Variants in FLRT1 observed in about 807,000 individuals in gnomAD.
The protein encoded by FLRT1 is leucine-rich repeat transmembrane protein FLRT1.
In FLRT1, 14 loss-of-function variants were observed where a neutral mutation model predicts 30.9. The observed-to-expected ratio is 0.45, with a 90% confidence interval of 0.30 to 0.71. The LOEUF (loss-of-function observed/expected upper bound fraction) is 0.71. Among genes scored for constraint, FLRT1 ranks in the 30% least tolerant of loss-of-function variants. FLRT1 has a pLI of 0.08. For synonymous variants in FLRT1, 368 were observed against 430.4 expected, an observed-to-expected ratio of 0.85 and a Z score of 1.80; for missense variants, 737 against 949.2, an observed-to-expected ratio of 0.78 and a Z score of 2.94.
At chr11:64,055,403 G>A (rs1943766522) in intron 1 of FLRT1, among the ~76,000 whole-genome samples, 1 of 152,246 alleles carries the variant, frequency 6.6e-6, no homozygotes, top group South Asian at 2.1e-4. Flanking sequence ...AACGATGGGG[G>A]ATGGGTGCTT....
rs577521309 is a variant in FLRT1, at chr11:64,039,215, T to C, written c.-1038+3056T>C. Among the ~76,000 whole-genome samples, 261 of 151,744 alleles carry C rather than the reference T, an allele frequency of 1.7e-3. 3 individuals carry two copies. The highest frequency in any genetic ancestry group is 1.8e-4 in the Non-Finnish European group (12 of 67,878). Reference sequence around the variant, plus strand: ...GGATGGGGTGCGTGAGGCATGTGGGTGAGCGAGCGTGGGTGGACAAGAAGG... The same window carrying C: ...GGATGGGGTGCGTGAGGCATGTGGGCGAGCGAGCGTGGGTGGACAAGAAGG... On this transcript the variant is annotated intron_variant, in intron 1 of 2. Coordinates refer to ENST00000682287, the MANE Select transcript of FLRT1 (RefSeq NM_013280.5).
Position 64,117,822 on chromosome 11 carries a change from G to A in FLRT1, c.1555G>A (p.Asp519Asn), listed in dbSNP as rs776865641. ...GGAGACCAGCAATGCCTACGTAGCT[G>A]ATGAGACACCCGTGTGTGCCAAGGC... The part of the protein sequence containing the change: ...TMETSNAYVA[D>N]ETPVCAKAET... Residue 519 changes from aspartate (D) to asparagine (N), a missense_variant, in exon 3 of 3, where the codon GAT becomes AAT. Transcript: ENST00000682287. 1.2e-6 allele frequency: 2 copies of A among 1,614,190 alleles called. No individual in the cohort carries two copies. The highest frequency in any genetic ancestry group is 2.2e-5 in the East Asian group (1 of 44,882).
rs537704990 is a variant in FLRT1 at position 64,037,662 on chromosome 11, C to T, written c.-1038+1503C>T. 5.3e-5 allele frequency among the ~76,000 whole-genome samples: 8 copies of T among 152,102 alleles called. No homozygotes were observed. The East Asian group carries it at 7.7e-4, about 15-fold the overall frequency. On this transcript the variant is annotated intron_variant, in intron 1 of 2. Transcript: ENST00000682287. ...TGGGCACAGGGTGTGTGTGTGTGTG[C>T]GCACCCAGTCCCATGTTCTTTCCCA...
chr11:64,065,756 C>G (rs1202204422), intron 1 of FLRT1, among the ~76,000 whole-genome samples: 3 of 146,738 alleles, frequency 2.0e-5, no homozygotes, highest in East Asian at 2.0e-4. Context: ...CGCCACTGCA[C>G]TCCAGCCTGG....
At chr11:64,042,180 ACACT>A (rs1273236736) in intron 1 of FLRT1, among the ~76,000 whole-genome samples, 1 of 152,134 alleles carries the variant, frequency 6.6e-6, no homozygotes, top group East Asian at 1.9e-4. Flanking sequence ...CTTCATGCAC[ACACT>A]CTTGCACACA....
chr11:64,115,398 T>C (rs1361832792), intron 2 of FLRT1, among the ~76,000 whole-genome samples: 1 of 151,678 alleles, frequency 6.6e-6, no homozygotes, highest in African/African-American at 2.4e-5. Context: ...TTTTTTTGAA[T>C]AGCTGAAAGT....
intron 1 of FLRT1, among the ~76,000 whole-genome samples, chr11:64,058,462 T>C (rs1943833968): frequency 6.6e-6 from 1 of 152,200 alleles, no homozygotes; most frequent in Non-Finnish European, 1.5e-5. Context: ...AGCTGCCACC[T>C]GGGTGGGCGA....
chr11:64,087,844 G>A (rs999899654), intron 1 of FLRT1, among the ~76,000 whole-genome samples: 2 of 152,234 alleles, frequency 1.3e-5, no homozygotes, highest in Non-Finnish European at 2.9e-5. Flanking sequence ...CACTCTCCTG[G>A]GGGCTGTTTC....
At chr11:64,114,508 AATGG>A (rs1262899663) in intron 2 of FLRT1, among the ~76,000 whole-genome samples, 4 of 104,902 alleles carry the variant, frequency 3.8e-5, no homozygotes, top group Admixed American at 3.7e-4. Context: ...TGGATGGATG[AATGG>A]ATGGATGGAT....
chr11:64,062,612 G>A (rs1442380265), intron 1 of FLRT1, among the ~76,000 whole-genome samples: 1 of 148,830 alleles, frequency 6.7e-6, no homozygotes, highest in Non-Finnish European at 1.5e-5. Flanking sequence ...CTGGGCGCTG[G>A]GGATGGAGCA....
At chr11:64,037,364 C>A (rs1943402266) in intron 1 of FLRT1, among the ~76,000 whole-genome samples, 1 of 151,912 alleles carries the variant, frequency 6.6e-6, no homozygotes, top group Non-Finnish European at 1.5e-5. Flanking sequence ...CGCTCAGGGG[C>A]TCCAGATTCC....
intron 1 of FLRT1, among the ~76,000 whole-genome samples, chr11:64,099,989 C>CCGT (rs1399776473): frequency 6.6e-6 from 1 of 152,126 alleles, no homozygotes; most frequent in African/African-American, 2.4e-5. Flanking sequence ...GGTGGATGGT[C>CCGT]CGTTTCTCTT....
intron 1 of FLRT1, among the ~76,000 whole-genome samples, chr11:64,079,405 A>AT (rs1308185062): frequency 2.8e-5 from 4 of 144,632 alleles, no homozygotes; most frequent in African/African-American, 1.0e-4. Context: ...GTCGTTGGGG[A>AT]TGGGGGGGTG....
At chr11:64,087,784 G>A (rs2078955535) in intron 1 of FLRT1, among the ~76,000 whole-genome samples, 1 of 152,234 alleles carries the variant, frequency 6.6e-6, no homozygotes, top group Non-Finnish European at 1.5e-5. Flanking sequence ...ATGACCGGAG[G>A]CTGGACGCCT....
At chr11:64,058,331 G>A (rs1182536937) in intron 1 of FLRT1, among the ~76,000 whole-genome samples, 2 of 152,256 alleles carry the variant, frequency 1.3e-5, no homozygotes, top group South Asian at 2.1e-4. Context: ...GCCCCCATCC[G>A]AAGGCTGACG....
intron 1 of FLRT1, among the ~76,000 whole-genome samples, chr11:64,088,534 C>T (rs2134514333): frequency 6.6e-6 from 1 of 152,340 alleles, no homozygotes; most frequent in African/African-American, 2.4e-5. Context: ...ACTCTCCTCT[C>T]ACCTGCAGGT....
chr11:64,043,644 T>C (rs1307451520), intron 1 of FLRT1, among the ~76,000 whole-genome samples: 2 of 152,058 alleles, frequency 1.3e-5, no homozygotes, highest in Non-Finnish European at 2.9e-5. Flanking sequence ...AGAGAGGTCA[T>C]TATTGAGTGT....
Position 64,118,116 on chromosome 11 carries a change from C to T in FLRT1, c.1849C>T (p.Pro617Ser), listed in dbSNP as rs747554838. The T allele has an allele frequency of 1.2e-6, 2 of 1,612,712 alleles. No individual in the cohort carries two copies. The highest frequency in any genetic ancestry group is 2.7e-5 in the African/African-American group (2 of 74,920). ...KDNSILEIRGPGLQMLPINPY... is the reference protein window; with the variant it reads ...KDNSILEIRGSGLQMLPINPY... ...TAACTCCATCCTGGAAATCCGCGGC[C>T]CTGGGCTGCAGATGCTGCCCATCAA... is the stretch of plus-strand genomic sequence containing the variant. The change falls in exon 3 of 3, where the codon CCT becomes TCT. Residue 617 changes from proline (P) to serine (S), a missense_variant. By Grantham distance (74) the Pro-to-Ser change is moderately conservative. Coordinates refer to ENST00000682287, the MANE Select transcript of FLRT1 (RefSeq NM_013280.5).
At chr11:64,043,734 G>A (rs946728659) in intron 1 of FLRT1, among the ~76,000 whole-genome samples, 4 of 152,042 alleles carry the variant, frequency 2.6e-5, no homozygotes, top group Non-Finnish European at 4.4e-5. Flanking sequence ...CTTCACAACA[G>A]CCCCATTGCA....
Sources: allele counts gnomAD v4.1 joint callset (sites outside exome capture counted in the v4.1 genomes callset), GRCh38; gene constraint gnomAD v4.1.1; transcripts MANE v1.5; gene names NCBI Gene and HGNC (gene_info 2026-07-23, HGNC 2026-07-21).